The following ZNF345 variants were observed in gnomAD, a reference collection of about 807,000 sequenced individuals.
ZNF345 encodes the protein zinc finger protein HZF10.
For synonymous variants in ZNF345, 166 were observed against 187.9 expected (o/e 0.88, Z 0.95); for missense variants, 527 against 589.9 (o/e 0.89, Z 1.10).
chr19:36,885,463 A>G, intron 3 of ZNF345, among the ~76,000 whole-genome samples: 1 of 150,998 alleles, frequency 6.6e-6, no homozygotes, highest in Non-Finnish European at 1.5e-5. Flanking sequence ...TTGCATTTCC[A>G]CTCTCTTAAA....
At chr19:36,857,798 G>T (rs562634873) in intron 2 of ZNF345, among the ~76,000 whole-genome samples, 6 of 151,838 alleles carry the variant, frequency 4.0e-5, no homozygotes, top group Non-Finnish European at 7.4e-5. Flanking sequence ...GTTTGCTTGA[G>T]ACTAGGTTTT....
Position 36,877,096 on chromosome 19 carries a change from C to G in ZNF345, c.266C>G (p.Pro89Arg), listed in dbSNP as rs1179622757. ...RHQRIHTGEKPYECKECGKAF... is the reference protein window; with the variant it reads ...RHQRIHTGEKRYECKECGKAF... ...CAGCGAATTCATACTGGTGAGAAAC[C>G]TTATGAATGCAAAGAATGTGGCAAG... The change falls in exon 3 of 3, where the codon CCT becomes CGT. Residue 89 changes from proline (P) to arginine (R), a missense_variant. Physicochemically the swap from Pro to Arg is moderately radical, Grantham distance 103. Transcript: ENST00000420450. The G allele has an allele frequency of 6.2e-7, 1 of 1,613,992 alleles. No individual in the cohort carries two copies. Among genetic ancestry groups the G allele is most frequent in the East Asian group, 2.2e-5 (1 of 44,900 alleles).
downstream of ZNF345, among the ~76,000 whole-genome samples, chr19:36,882,131 A>G (rs964889893): frequency 6.6e-6 from 1 of 151,760 alleles, no homozygotes; most frequent in Non-Finnish European, 1.5e-5. Context: ...TTTCAAAAAT[A>G]TATTTCACTA....
chr19:36,880,359 AAAT>A (rs1163228240), downstream of ZNF345, among the ~76,000 whole-genome samples: 2 of 152,122 alleles, frequency 1.3e-5, no homozygotes, highest in African/African-American at 4.8e-5. Context: ...CCTACAGAAA[AAAT>A]AATAAGATTA....
At chr19:36,885,121 C>T (rs2072989424) in intron 3 of ZNF345, among the ~76,000 whole-genome samples, 2 of 151,982 alleles carry the variant, frequency 1.3e-5, no homozygotes, top group African/African-American at 4.8e-5. Flanking sequence ...TGTATGTCCT[C>T]TTCACACTTA....
chr19:36,854,953 G>A (rs893142596), intron 2 of ZNF345, among the ~76,000 whole-genome samples: 3 of 150,176 alleles, frequency 2.0e-5, no homozygotes, highest in Non-Finnish European at 3.0e-5. Flanking sequence ...TCCTGGGTTT[G>A]CCATTCTCCT....
chr19:36,867,382 G>A (rs12985703), intron 2 of ZNF345, among the ~76,000 whole-genome samples: 1 of 152,012 alleles, frequency 6.6e-6, no homozygotes, highest in Admixed American at 6.6e-5. Flanking sequence ...TAATTCAGTG[G>A]TATTTAGTAT....
At chr19:36,873,353 A>T (rs2072808089) in intron 2 of ZNF345, among the ~76,000 whole-genome samples, 1 of 151,898 alleles carries the variant, frequency 6.6e-6, no homozygotes. Flanking sequence ...ATATTTGCCT[A>T]TTTTTTGTTT....
intron 2 of ZNF345, among the ~76,000 whole-genome samples, chr19:36,859,954 T>G (rs526426): frequency 0.067 from 10,206 of 151,988 alleles, 932 homozygotes; most frequent in African/African-American, 0.21. Context: ...TTGCAGATTT[T>G]TTTGTTTGTT....
At chr19:36,882,443 T>C (rs1446427582), downstream of ZNF345, among the ~76,000 whole-genome samples, 1 of 149,322 alleles carries the variant, frequency 6.7e-6, no homozygotes, top group Non-Finnish European at 1.5e-5. Context: ...AATTTTTGTA[T>C]TTTTTAGTAG....
At position 36,891,353 on chromosome 19, in the gene ZNF345, A is replaced by T. The variant is rs1346748785; in HGVS notation, c.47-1465A>T. 3.6e-6 allele frequency: 3 copies of T among 827,776 alleles called. No homozygotes were observed. In the East Asian group the frequency reaches 8.7e-5, roughly 24 times the overall value. The allele number at this position is 827,776 out of a possible 1,614,324, so 51.3% of individuals were successfully genotyped here. On this transcript the variant is annotated intron_variant, in intron 3 of 3. Coordinates refer to the ZNF345 transcript ENST00000526123. ...TGTTTTAAGCCACCAAGGTTTTGGT[A>T]CTTGGTACTTTGTTATCGTATCGTT... is the stretch of plus-strand genomic sequence containing the variant.
chr19:36,865,411 A>G (rs970482872), intron 2 of ZNF345, among the ~76,000 whole-genome samples: 11 of 152,180 alleles, frequency 7.2e-5, no homozygotes, highest in African/African-American at 2.7e-4. Flanking sequence ...TCATTTATCT[A>G]AGACTGACTT....
At chr19:36,852,027 G>C (rs2072278200) in intron 2 of ZNF345, 123 bp downstream of exon 2, 1 of 151,602 alleles carries the variant, frequency 6.6e-6, no homozygotes, top group South Asian at 2.1e-4. Flanking sequence ...TCCATTTTGA[G>C]AAAATGTGGT....
chr19:36,857,986 T>C (rs899684506), intron 2 of ZNF345, among the ~76,000 whole-genome samples: 1 of 151,476 alleles, frequency 6.6e-6, no homozygotes, highest in Non-Finnish European at 1.5e-5. Context: ...CACCATGTTG[T>C]CCAGGCTGGT....
At chr19:36,852,659 C>T (rs1371229022) in intron 2 of ZNF345, among the ~76,000 whole-genome samples, 1 of 151,502 alleles carries the variant, frequency 6.6e-6, no homozygotes, top group Non-Finnish European at 1.5e-5. Context: ...TTCAGTTTTA[C>T]CAAACATTGC....
At position 36,877,573 on chromosome 19, in the gene ZNF345, ATC is replaced by A; in HGVS notation, c.744_745del (p.His248GlnfsTer7). 5.0e-6 allele frequency: 8 copies of A among 1,614,198 alleles called. No homozygotes were observed. Among genetic ancestry groups the A allele is most frequent in the Non-Finnish European group, 6.8e-6 (8 of 1,180,036 alleles). Reference sequence around the variant, plus strand: ...AGCAGTGGTTCGGCTCTTACTCGGCATCAGAGAATTCATACCGGTGAGAAACC... The same window carrying A: ...AGCAGTGGTTCGGCTCTTACTCGGCAAGAGAATTCATACCGGTGAGAAACC... On this transcript the variant is annotated frameshift_variant, in exon 3 of 3. Transcript: ENST00000420450. LOFTEE classifies it low-confidence loss of function (END_TRUNC).
At position 36,877,222 on chromosome 19, in the gene ZNF345, C is replaced by G; in HGVS notation, c.392C>G (p.Ser131Ter). ...TGTGGGAAGGCCTTTGGTAGTGGCT[C>G]AAACCTTACTCACCATCAGAGAATT... ...KECGKAFGSG[S>*]NLTHHQRIHT... is the part of the protein sequence containing the mutation. Residue 131 changes from serine (S) to a stop codon, truncating the protein, a stop_gained, in exon 3 of 3, where the codon TCA becomes TGA. Transcript: ENST00000420450. LOFTEE classifies it low-confidence loss of function (END_TRUNC). The G allele has an allele frequency of 6.2e-7, 1 of 1,614,000 alleles. No individual in the cohort carries two copies. Among genetic ancestry groups the G allele is most frequent in the South Asian group, 1.1e-5 (1 of 91,076 alleles).
rs2072892928 is a variant in ZNF345, at chr19:36,876,970, CT to C, written c.143del (p.Phe48SerfsTer158). On this transcript the variant is annotated frameshift_variant, in exon 3 of 3. Transcript: ENST00000420450. LOFTEE classifies it low-confidence loss of function (END_TRUNC). The stretch of plus-strand genomic sequence containing the variant: ...ATATTTACTCCTGAAGACATGCCCA[CT>C]TTCAGTATCCAGCATCAGAGAATTC... ...EMIFTPEDMP[T>X]FSIQHQRIHT... The C allele has an allele frequency of 1.9e-6, 3 of 1,614,156 alleles. No homozygotes were observed. Among genetic ancestry groups the C allele is most frequent in the Non-Finnish European group, 2.5e-6 (3 of 1,180,024 alleles).
chr19:36,887,944 C>G (rs1015767020), intron 3 of ZNF345, among the ~76,000 whole-genome samples: 7 of 152,130 alleles, frequency 4.6e-5, no homozygotes, highest in Non-Finnish European at 8.8e-5. Flanking sequence ...ACAGGAAAAA[C>G]TGTAAATTTT....
Sources: allele counts gnomAD v4.1 joint callset (sites outside exome capture counted in the v4.1 genomes callset), GRCh38; gene constraint gnomAD v4.1.1; transcripts MANE v1.5; gene names NCBI Gene and HGNC (gene_info 2026-07-23, HGNC 2026-07-21).